The following DLG2 variants were observed in gnomAD, a reference collection of about 807,000 sequenced individuals.
DLG2 encodes the protein discs large MAGUK scaffold protein 2.
Under a neutral mutation model 132.5 loss-of-function variants are expected in DLG2, and 45 were observed. The ratio of observed to expected loss-of-function variants is 0.34; its 90% CI spans 0.27 to 0.44. The LOEUF is 0.44. Ranked by LOEUF, DLG2 falls within the 20% of genes least tolerant of loss-of-function variation. The probability of loss-of-function intolerance (pLI) is 1.00; values close to 1 mark genes in which losing one functional copy is unlikely to be tolerated. For synonymous variants in DLG2, 424 were observed against 419.6 expected, an observed-to-expected ratio of 1.01 and a Z score of -0.13; for missense variants, 1,045 against 1,196.9, an observed-to-expected ratio of 0.87 and a Z score of 1.87.
intron 5 of DLG2, 150 bp from the exon 6 acceptor site, chr11:85,111,885 A>T (rs2072815318): frequency 3.5e-6 from 2 of 572,616 alleles, no homozygotes; most frequent in Admixed American, 7.4e-5. Flanking sequence ...GCAGAAAACT[A>T]GGTACATAAT....
At chr11:83,642,663 G>A (rs75052499) in intron 18 of DLG2, among the ~76,000 whole-genome samples, 7,591 of 152,152 alleles carry the variant, frequency 0.05, 667 homozygotes, top group African/African-American at 0.17. Flanking sequence ...CAGACTTATT[G>A]CAAAATGGAG....
chr11:85,313,938 G>GA (rs1467245540), intron 3 of DLG2, among the ~76,000 whole-genome samples: 11 of 151,922 alleles, frequency 7.2e-5, no homozygotes, highest in Admixed American at 7.2e-4. Flanking sequence ...TAGAATTCCT[G>GA]AAAAATTTAC....
chr11:83,880,612 T>C (rs1216756212), intron 15 of DLG2, among the ~76,000 whole-genome samples: 14 of 152,050 alleles, frequency 9.2e-5, no homozygotes, highest in Admixed American at 2.6e-4. Flanking sequence ...GGTGTTAGGA[T>C]TGGGGGAGGT....
intron 10 of DLG2, among the ~76,000 whole-genome samples, chr11:84,071,528 C>G (rs1444468970): frequency 6.6e-6 from 1 of 152,194 alleles, no homozygotes; most frequent in Non-Finnish European, 1.5e-5. Flanking sequence ...CCTCAGCCTC[C>G]TGAGTATATC....
intron 6 of DLG2, among the ~76,000 whole-genome samples, chr11:84,954,168 C>A (rs1233236005): frequency 6.6e-6 from 1 of 151,904 alleles, no homozygotes; most frequent in Non-Finnish European, 1.5e-5. Context: ...TTAAGCCTAC[C>A]CTTACTATAA....
In DLG2 at chr11:84,227,892, C is replaced by T. The variant is rs576488782; in HGVS notation, c.573+23346G>A. 5.4e-4 allele frequency among the ~76,000 whole-genome samples: 72 copies of T among 134,036 alleles called. No homozygotes were observed. The South Asian group carries it at 0.011, about 21-fold the overall frequency. 87.9% of individuals were successfully genotyped at this position (134,036 alleles called of 152,430 possible). A position where few individuals can be genotyped will look rare whatever the true frequency, so the allele number is the denominator to read the frequency against. On this transcript the variant is annotated intron_variant, in intron 8 of 27. Transcript: ENST00000376104. ...TCACACCACTGCACTATAGCCTGGG[C>T]GACAGAGTGAGACTCCATCTCAAAA...
intron 7 of DLG2, among the ~76,000 whole-genome samples, chr11:84,474,213 A>G (rs929906969): frequency 1.3e-5 from 2 of 151,988 alleles, no homozygotes; most frequent in African/African-American, 4.8e-5. Context: ...CAGTGCCAGG[A>G]TGGGGAAGAA....
intron 4 of DLG2, among the ~76,000 whole-genome samples, chr11:85,244,961 C>T (rs1175585608): frequency 6.6e-6 from 1 of 151,868 alleles, no homozygotes; most frequent in African/African-American, 2.4e-5. Context: ...GCTGTTTATC[C>T]TAAAAACTGG....
rs571303095 is a variant in DLG2, at chr11:84,193,063, T to C, written c.574-29552A>G. ...CTGAAGTGGCTAACAATGCATGTAG[T>C]TGATAGGTCAGTTAATCAATTAGAA... On this transcript the variant is annotated intron_variant, in intron 8 of 27. Transcript: ENST00000376104. Among the ~76,000 whole-genome samples, 11 of 152,356 alleles carry C rather than the reference T, an allele frequency of 7.2e-5. No individual in the cohort carries two copies. The South Asian group carries it at 1.4e-3, about 20-fold the overall frequency.
intron 6 of DLG2, among the ~76,000 whole-genome samples, chr11:84,581,724 T>G (rs1174180006): frequency 6.6e-6 from 1 of 151,940 alleles, no homozygotes; most frequent in Admixed American, 6.6e-5. Context: ...CTGGCCAACA[T>G]GGTGAAAACC....
At chr11:83,572,100 T>C (rs2096806201) in intron 19 of DLG2, among the ~76,000 whole-genome samples, 1 of 152,108 alleles carries the variant, frequency 6.6e-6, no homozygotes. Flanking sequence ...TGGCTTTATA[T>C]TTTTCTGTAT....
chr11:84,796,930 T>C (rs2074702294), intron 6 of DLG2, among the ~76,000 whole-genome samples: 1 of 152,110 alleles, frequency 6.6e-6, no homozygotes, highest in Non-Finnish European at 1.5e-5. Flanking sequence ...CACTGCAACC[T>C]CTGCCTCCTG....
At chr11:83,664,985 A>G (rs977946940) in intron 18 of DLG2, among the ~76,000 whole-genome samples, 2 of 152,264 alleles carry the variant, frequency 1.3e-5, no homozygotes, top group African/African-American at 4.8e-5. Flanking sequence ...CTCAGTATCT[A>G]GCAGAGTGTT....
intron 18 of DLG2, among the ~76,000 whole-genome samples, chr11:83,784,941 A>G (rs544350803): frequency 6.6e-6 from 1 of 152,366 alleles, no homozygotes; most frequent in South Asian, 2.1e-4. Context: ...GACTGAAAAA[A>G]ACAGCTATTA....
At chr11:84,089,866 G>A (rs1050603015) in intron 10 of DLG2, among the ~76,000 whole-genome samples, 3 of 152,128 alleles carry the variant, frequency 2.0e-5, no homozygotes, top group Non-Finnish European at 4.4e-5. Flanking sequence ...TTGTGCTGTG[G>A]ATGCCTTTAA....
chr11:84,397,735 T>C (rs570112865), intron 7 of DLG2, among the ~76,000 whole-genome samples: 1 of 152,358 alleles, frequency 6.6e-6, no homozygotes, highest in East Asian at 1.9e-4. Flanking sequence ...ACAGTTAGCT[T>C]GCATCACCTC....
intron 6 of DLG2, among the ~76,000 whole-genome samples, chr11:84,999,764 AG>A (rs574689711): frequency 2.6e-5 from 4 of 152,250 alleles, no homozygotes; most frequent in Admixed American, 2.0e-4. Context: ...TTAGCATTCC[AG>A]GGTTCACACA....
At chr11:84,769,049 G>T (rs1433287358) in intron 6 of DLG2, among the ~76,000 whole-genome samples, 1 of 152,058 alleles carries the variant, frequency 6.6e-6, no homozygotes, top group Non-Finnish European at 1.5e-5. Context: ...AGATGAGTAG[G>T]AATCAGTGCA....
At chr11:83,957,073 C>T (rs193026193) in intron 14 of DLG2, among the ~76,000 whole-genome samples, 7 of 152,324 alleles carry the variant, frequency 4.6e-5, no homozygotes, top group Non-Finnish European at 7.4e-5. Context: ...CAATATTCTG[C>T]AAGCTTTTGT....
Sources: allele counts gnomAD v4.1 joint callset (sites outside exome capture counted in the v4.1 genomes callset), GRCh38; gene constraint gnomAD v4.1.1; transcripts MANE v1.5; gene names NCBI Gene and HGNC (gene_info 2026-07-23, HGNC 2026-07-21).